COMMD5: variants seen among roughly 807,000 people sequenced by gnomAD.
COMMD5 encodes COMM domain containing 5.
A neutral mutation model predicts 6.9 loss-of-function variants in COMMD5; 10 were observed. That is an observed-to-expected ratio of 1.44 (90% CI 0.89 to 2.45). The LOEUF (loss-of-function observed/expected upper bound fraction) is 2.45, where lower values mean the gene tolerates loss of function less well. COMMD5 is among the 30% of genes most tolerant of loss of function. The pLI is 0.00. For missense variants in COMMD5, 234 were observed against 287.8 expected, an observed-to-expected ratio of 0.81 and a Z score of 1.35; for synonymous variants, 127 against 125.3, an observed-to-expected ratio of 1.01 and a Z score of -0.09.
downstream of COMMD5, among the ~76,000 whole-genome samples, chr8:144,839,938 CTT>C (rs764056809): frequency 1.3e-5 from 2 of 152,146 alleles, no homozygotes; most frequent in African/African-American, 2.4e-5. Context: ...TGCCGCTGCT[CTT>C]TATTTTTTTA....
At chr8:144,843,526 T>A (rs56279420) in intron 1 of COMMD5, 1 of 158,502 alleles carries the variant, frequency 6.3e-6, no homozygotes, top group Non-Finnish European at 1.3e-5. Context: ...AGGCGGAGCT[T>A]GCAGTGAGCT....
chr8:144,851,697 A>T (rs1321000209), intron 1 of COMMD5, among the ~76,000 whole-genome samples: 1 of 152,050 alleles, frequency 6.6e-6, no homozygotes, highest in East Asian at 1.9e-4. Context: ...TTAATAGATG[A>T]AAGAATGAAC....
intron 1 of COMMD5, chr8:144,843,225 AT>A: frequency 6.7e-7 from 1 of 1,491,362 alleles, no homozygotes; most frequent in Non-Finnish European, 9.0e-7. Context: ...TAACTTACTT[AT>A]TTTATATGGA....
At chr8:144,842,891 A>G in intron 1 of COMMD5, 1 of 1,614,234 alleles carries the variant, frequency 6.2e-7, no homozygotes, top group Non-Finnish European at 8.5e-7. Context: ...CGGAGCTCAT[A>G]TCTTATTGAA....
chr8:144,850,988 G>A lies in COMMD5; in HGVS notation c.351C>T (p.Cys117=), dbSNP rs1225477604. 1 of 1,612,324 alleles carries A rather than the reference G, an allele frequency of 6.2e-7. No individual in the cohort carries two copies. The highest frequency in any genetic ancestry group is 8.5e-7 in the Non-Finnish European group (1 of 1,179,680). The change falls in exon 2 of 2, where the codon TGC becomes TGT. Residue 117 remains cysteine (C), a synonymous_variant. Transcript: ENST00000305103. This position sits in a 1 kb window ranked among gnomAD's most constrained non-coding sequence, Gnocchi z 4.0. ...DTFRDQLQEL[C]IPQDLVGDLA... is the part of the protein sequence containing the mutation. ...AGTCCCCGACCAGGTCTTGGGGGAT[G>A]CAGAGCTCCTGGAGCTGGTCCCTGA...
chr8:144,838,197 C>T (rs1345237371), downstream of COMMD5: 1 of 699,298 alleles, frequency 1.4e-6, no homozygotes, highest in Admixed American at 2.0e-5. Flanking sequence ...TGCCTTCTCC[C>T]TGCGTGTCTG....
chr8:144,853,160 G>C (rs1256449208), upstream of COMMD5: 1 of 151,996 alleles, frequency 6.6e-6, no homozygotes, highest in South Asian at 2.1e-4. Context: ...CCCCCTCCCC[G>C]CCCGGGGGAA....
At chr8:144,842,788 G>A (rs879801822) in intron 1 of COMMD5, 1 of 1,614,204 alleles carries the variant, frequency 6.2e-7, no homozygotes, top group Admixed American at 1.7e-5. Flanking sequence ...ATGTGGGAAA[G>A]CCTTCAGTCA....
chr8:144,841,921 C>T, intron 1 of COMMD5: 1 of 1,614,120 alleles, frequency 6.2e-7, no homozygotes, highest in Non-Finnish European at 8.5e-7. Flanking sequence ...TCAGAGAATC[C>T]ACACGGGAGA....
chr8:144,851,398 A>G lies in COMMD5; in HGVS notation c.-57-3T>C, dbSNP rs1830739208. The stretch of plus-strand genomic sequence containing the variant: ...AGGTCGGTCCCAGATGCAGATGCCT[A>G]GAGTGGGGTGGAGGAGAGAAGACCA... On this transcript the variant is annotated splice_polypyrimidine_tract_variant and splice_region_variant and intron_variant, in intron 1 of 1. Coordinates refer to ENST00000305103, the MANE Select transcript of COMMD5 (RefSeq NM_014066.4). 69 of 1,546,206 alleles carry G rather than the reference A, an allele frequency of 4.5e-5. No homozygotes were observed. The South Asian group carries it at 6.4e-4, about 14-fold the overall frequency.
downstream of COMMD5, among the ~76,000 whole-genome samples, chr8:144,849,782 G>A (rs1182737987): frequency 6.7e-6 from 1 of 149,588 alleles, no homozygotes; most frequent in African/African-American, 2.6e-5. Flanking sequence ...CTGGGCTCTA[G>A]CCTCCTCCCT....
At chr8:144,839,522 C>T (rs1055393152), downstream of COMMD5, among the ~76,000 whole-genome samples, 2 of 152,240 alleles carry the variant, frequency 1.3e-5, no homozygotes, top group African/African-American at 2.4e-5. Flanking sequence ...AAGCCAGCTA[C>T]AGTTGGCAGA....
rs1450823425 is a variant in COMMD5 at position 144,842,641 on chromosome 8, C to G, written c.*117-898G>C. The G allele has an allele frequency of 6.8e-6, 11 of 1,614,084 alleles. No individual in the cohort carries two copies. The highest frequency in any genetic ancestry group is 9.3e-6 in the Non-Finnish European group (11 of 1,180,062). On this transcript the variant is annotated intron_variant and NMD_transcript_variant, in intron 1 of 1. Coordinates refer to the COMMD5 transcript ENST00000530332. ...AAAAGCCTTCAGTCAGAGTTCCAGC[C>G]TTATTTACCATCAGAGAATCCATAA...
rs748634820 is a variant in COMMD5 at position 144,850,928 on chromosome 8, G to C, written c.411C>G (p.Leu137=). ...CCTGCTGCTGGGCCACAGAATCAAGGAGGGGCCGCTGGCTCCCAAATACCA... is the reference window on the plus strand; with the variant it reads ...CCTGCTGCTGGGCCACAGAATCAAGCAGGGGCCGCTGGCTCCCAAATACCA... ...ASVVFGSQRP[L]LDSVAQQQGA... The change falls in exon 2 of 2, where the codon CTC becomes CTG. Residue 137 remains leucine, a synonymous_variant. Transcript: ENST00000305103. This position sits in a 1 kb window ranked among gnomAD's most constrained non-coding sequence, Gnocchi z 4.0. 9 of 1,607,894 alleles carry C rather than the reference G, an allele frequency of 5.6e-6. No homozygotes were observed. Among genetic ancestry groups the C allele is most frequent in the Non-Finnish European group, 7.6e-6 (9 of 1,177,850 alleles).
At chr8:144,838,032 CG>C (rs904349708), downstream of COMMD5, 4 of 697,752 alleles carry the variant, frequency 5.7e-6, no homozygotes, top group Non-Finnish European at 1.0e-5. Context: ...AATCTGAAAC[CG>C]GGGGGTCAGC....
At chr8:144,842,679 C>T in intron 1 of COMMD5, 1 of 1,614,100 alleles carries the variant, frequency 6.2e-7, no homozygotes, top group Non-Finnish European at 8.5e-7. Flanking sequence ...GAGAGAAGCC[C>T]TACGAATGCC....
chr8:144,839,564 G>C (rs79911954), downstream of COMMD5, among the ~76,000 whole-genome samples: 40 of 152,364 alleles, frequency 2.6e-4, no homozygotes, highest in East Asian at 7.5e-3. Context: ...GTAGCAGGTG[G>C]TCCTCACTGT....
chr8:144,852,002 G>T (rs1830768775), intron 1 of COMMD5, among the ~76,000 whole-genome samples: 1 of 152,052 alleles, frequency 6.6e-6, no homozygotes, highest in African/African-American at 2.4e-5. Flanking sequence ...AGCCAGGCGT[G>T]GTGGTGCACG....
chr8:144,844,272 A>G (rs952640009), intron 1 of COMMD5, among the ~76,000 whole-genome samples: 7 of 152,166 alleles, frequency 4.6e-5, no homozygotes, highest in Non-Finnish European at 1.0e-4. Flanking sequence ...TGCAAGTACC[A>G]ACCCCCCCAT....
Sources: allele counts gnomAD v4.1 joint callset (sites outside exome capture counted in the v4.1 genomes callset), GRCh38; gene constraint gnomAD v4.1.1; non-coding constraint Gnocchi (gnomAD v3.1); transcripts MANE v1.5; gene names NCBI Gene and HGNC (gene_info 2026-07-23, HGNC 2026-07-21).